The following ZNF366 variants were observed in gnomAD, a reference collection of about 807,000 sequenced individuals.
ZNF366 encodes zinc finger protein 366.
ZNF366 carries 20 observed loss-of-function variants against 47.2 expected under a neutral mutation model. That is an observed-to-expected ratio of 0.42 (90% CI 0.30 to 0.62). ZNF366 has a LOEUF of 0.62. Ranked by LOEUF, ZNF366 falls within the 20% of genes least tolerant of loss-of-function variation. The pLI is 0.16. For synonymous variants in ZNF366, 421 were observed against 395.1 expected (o/e 1.07, Z -0.78); for missense variants, 987 against 976.3 (o/e 1.01, Z -0.15).
chr5:72,444,413 TC>T, intron 4 of ZNF366, 122 bp from the exon 5 acceptor site: 1 of 1,127,506 alleles, frequency 8.9e-7, no homozygotes, highest in Non-Finnish European at 1.2e-6. Flanking sequence ...AATAGATCAT[TC>T]CCAGTAAGGA....
chr5:72,503,530 T>TACACACACACAC (rs34375286), intron 1 of ZNF366, among the ~76,000 whole-genome samples: 18 of 148,830 alleles, frequency 1.2e-4, no homozygotes, highest in African/African-American at 4.2e-4. Context: ...TGAATTCTAA[T>TACACACACACAC]ACACACACAC....
intron 2 of ZNF366, 23 bp downstream of exon 2, chr5:72,460,141 GC>G (rs1561193387): frequency 1.2e-6 from 2 of 1,607,540 alleles, no homozygotes; most frequent in South Asian, 2.2e-5. Flanking sequence ...GGCCCCGTCC[GC>G]CCCACCAGAG....
intron 1 of ZNF366, among the ~76,000 whole-genome samples, chr5:72,464,553 A>G (rs1743393534): frequency 6.6e-6 from 1 of 152,212 alleles, no homozygotes; most frequent in African/African-American, 2.4e-5. Context: ...AATGTCGAAC[A>G]GAGATGATGT....
rs1742864865 is a variant in ZNF366, at chr5:72,442,091, C to T, written c.*1665G>A. The T allele has an allele frequency of 6.6e-6, 1 of 152,180 alleles. No homozygotes were observed. Among genetic ancestry groups the T allele is most frequent in the African/African-American group, 2.4e-5 (1 of 41,442 alleles). 9.4% of individuals were successfully genotyped at this position (152,180 alleles called of 1,614,324 possible). A position where few individuals can be genotyped will look rare whatever the true frequency, so the allele number is the denominator to read the frequency against. ...TGACCATAAACATCACAGGCATCAT[C>T]TTCTAGTATAATGTAAAAAGTGTGT... On this transcript the variant is annotated 3_prime_UTR_variant, in exon 5 of 5. Coordinates refer to ENST00000318442, the MANE Select transcript of ZNF366 (RefSeq NM_152625.3).
intron 3 of ZNF366, among the ~76,000 whole-genome samples, chr5:72,449,819 G>T (rs1160188807): frequency 6.6e-6 from 1 of 152,176 alleles, no homozygotes; most frequent in African/African-American, 2.4e-5. Flanking sequence ...TGAGGAAAGG[G>T]GTGGGAAACA....
intron 1 of ZNF366, among the ~76,000 whole-genome samples, chr5:72,486,095 G>T (rs1743886713): frequency 6.6e-6 from 1 of 152,128 alleles, no homozygotes; most frequent in African/African-American, 2.4e-5. Context: ...TTTAGTCATT[G>T]TTCATTTTCC....
Position 72,443,793 on chromosome 5 carries a change from C to A in ZNF366, c.2198G>T (p.Arg733Met). ...AAGCACTGCTTGTTTTTCCATTTTC[C>A]TCTCCAGTAATTCTTTCAAACTCTC... is the stretch of plus-strand genomic sequence containing the variant. The part of the protein sequence containing the change: ...RDESLKELLE[R>M]KMEKQAVLLG... Residue 733 changes from arginine (R) to methionine (M), a missense_variant, in exon 5 of 5, where the codon AGG becomes ATG. Physicochemically the swap from Arg to Met is moderately conservative, Grantham distance 91. Around this residue, in one of 3 missense-constraint regions of ZNF366, gnomAD observed 285 missense variants for 234.8 expected, o/e 1.21. Coordinates refer to ENST00000318442, the MANE Select transcript of ZNF366 (RefSeq NM_152625.3). 1 of 1,613,460 alleles carries A rather than the reference C, an allele frequency of 6.2e-7. No individual in the cohort carries two copies. The highest frequency in any genetic ancestry group is 8.5e-7 in the Non-Finnish European group (1 of 1,179,824).
intron 1 of ZNF366, among the ~76,000 whole-genome samples, chr5:72,486,415 G>T (rs1001171866): frequency 6.6e-6 from 1 of 152,156 alleles, no homozygotes; most frequent in Non-Finnish European, 1.5e-5. Context: ...TCTGATGACT[G>T]TGAGGCCCAA....
intron 1 of ZNF366, among the ~76,000 whole-genome samples, chr5:72,499,912 C>T (rs967451964): frequency 2.6e-5 from 4 of 152,192 alleles, no homozygotes; most frequent in Admixed American, 2.6e-4. Context: ...AAACCAGAGG[C>T]GATTCCGGTC....
chr5:72,507,012 C>T (rs1043687143), intron 1 of ZNF366, among the ~76,000 whole-genome samples: 3 of 152,192 alleles, frequency 2.0e-5, no homozygotes, highest in Non-Finnish European at 4.4e-5. Flanking sequence ...TCAGATTTAA[C>T]GCAGTGTCCT....
chr5:72,494,816 G>A (rs1744080185), intron 1 of ZNF366, among the ~76,000 whole-genome samples: 1 of 152,016 alleles, frequency 6.6e-6, no homozygotes, highest in Non-Finnish European at 1.5e-5. Flanking sequence ...ACTCATTTTT[G>A]TCGAATGACT....
intron 2 of ZNF366, among the ~76,000 whole-genome samples, chr5:72,456,991 T>C (rs979145086): frequency 2.6e-5 from 4 of 152,328 alleles, no homozygotes; most frequent in Non-Finnish European, 5.9e-5. Flanking sequence ...TCTTCCAAAA[T>C]GATATTATCA....
At chr5:72,480,212 G>A (rs907979252) in intron 1 of ZNF366, among the ~76,000 whole-genome samples, 1 of 152,222 alleles carries the variant, frequency 6.6e-6, no homozygotes, top group African/African-American at 2.4e-5. Context: ...TAAGAATTGT[G>A]TGACAAATTG....
intron 1 of ZNF366, among the ~76,000 whole-genome samples, chr5:72,469,980 G>A (rs1201100658): frequency 6.6e-6 from 1 of 152,200 alleles, no homozygotes; most frequent in Non-Finnish European, 1.5e-5. Context: ...GGGATTTCAA[G>A]GCTGCAGTGA....
chr5:72,460,978 GGGCGT>G lies in ZNF366; in HGVS notation c.514_518del (p.Thr172LeufsTer67). On this transcript the variant is annotated frameshift_variant, in exon 2 of 5. Transcript: ENST00000318442. LOFTEE classifies it high-confidence loss of function. ...GGTGGACTTTGGGGTAGTAGGGGTA[GGGCGT>G]GGGCAGGAATGGAGTGGGCGTTGGC... 1 of 1,613,816 alleles carries G rather than the reference GGGCGT, an allele frequency of 6.2e-7. No individual in the cohort carries two copies. Among genetic ancestry groups the G allele is most frequent in the Non-Finnish European group, 8.5e-7 (1 of 1,179,854 alleles).
chr5:72,475,952 C>A (rs546841111), intron 1 of ZNF366, among the ~76,000 whole-genome samples: 4 of 152,088 alleles, frequency 2.6e-5, no homozygotes, highest in Non-Finnish European at 4.4e-5. Flanking sequence ...GAGCTCACCA[C>A]GTGTAAAGAA....
intron 2 of ZNF366, 148 bp from the exon 3 acceptor site, chr5:72,456,743 G>T: frequency 2.7e-6 from 2 of 753,096 alleles, no homozygotes; most frequent in Non-Finnish European, 3.9e-6. Flanking sequence ...CTTCAGCCTT[G>T]TTAAATTACT....
chr5:72,449,894 G>C (rs1036281790), intron 3 of ZNF366, among the ~76,000 whole-genome samples: 2 of 152,166 alleles, frequency 1.3e-5, no homozygotes, highest in Admixed American at 6.5e-5. Context: ...TGTAGCGGGA[G>C]AGAAGCTGAA....
At chr5:72,472,879 C>A (rs765265095) in intron 1 of ZNF366, among the ~76,000 whole-genome samples, 1 of 152,126 alleles carries the variant, frequency 6.6e-6, no homozygotes, top group African/African-American at 2.4e-5. Flanking sequence ...TAGAACCACA[C>A]AATATCAAAG....
Sources: gnomAD v4.1 joint callset for allele counts (sites outside exome capture counted in the v4.1 genomes callset) on GRCh38, gnomAD v4.1.1 for gene constraint, gnomAD v4.1.1 regional missense constraint, MANE v1.5 for transcripts, NCBI Gene and HGNC (gene_info 2026-07-23, HGNC 2026-07-21) for gene names.